Variants in ASTN1 observed in about 807,000 individuals in gnomAD.
The protein encoded by ASTN1 is astrotactin 1.
A neutral mutation model predicts 140.7 loss-of-function variants in ASTN1; 41 were observed. The observed-to-expected ratio is 0.29, with a 90% CI of 0.23 to 0.38. ASTN1 has a LOEUF of 0.38. Among genes scored for constraint, ASTN1 ranks in the 10% least tolerant of loss-of-function variants. The probability of loss-of-function intolerance (pLI) is 1.00; values close to 1 mark genes in which losing one functional copy is unlikely to be tolerated. For missense variants in ASTN1, 1,479 were observed against 1,678.8 expected (o/e 0.88, Z 2.08); for synonymous variants, 640 against 652.2 (o/e 0.98, Z 0.29).
intron 1 of ASTN1, among the ~76,000 whole-genome samples, chr1:177,145,948 A>G (rs1682702874): frequency 6.6e-6 from 1 of 152,216 alleles, no homozygotes; most frequent in Admixed American, 6.5e-5. Context: ...AATTATTGAG[A>G]ATCACAAAGA....
At chr1:177,107,997 C>T (rs1052610364) in intron 1 of ASTN1, among the ~76,000 whole-genome samples, 6 of 152,112 alleles carry the variant, frequency 3.9e-5, no homozygotes, top group African/African-American at 1.4e-4. Flanking sequence ...CTCCACAATG[C>T]TATGAAAAAT....
chr1:176,881,381 G>A (rs1239813583), intron 20 of ASTN1, among the ~76,000 whole-genome samples: 1 of 152,222 alleles, frequency 6.6e-6, no homozygotes, highest in East Asian at 1.9e-4. Flanking sequence ...GAGGGTCGCA[G>A]TGTGGGTAAT....
At chr1:177,015,012 T>C in intron 7 of ASTN1, 137 bp from the exon 8 acceptor site, 2 of 719,854 alleles carry the variant, frequency 2.8e-6, no homozygotes, top group Non-Finnish European at 4.8e-6. Flanking sequence ...GTAAGTTCCA[T>C]TATGTCATAT....
intron 21 of ASTN1, among the ~76,000 whole-genome samples, chr1:176,874,361 G>A (rs529146921): frequency 2.2e-4 from 34 of 152,226 alleles, no homozygotes; most frequent in Middle Eastern, 3.4e-3. Flanking sequence ...GGAGAGTTTC[G>A]GTATGTAACT....
intron 1 of ASTN1, among the ~76,000 whole-genome samples, chr1:177,101,455 A>G (rs906941703): frequency 6.6e-6 from 1 of 152,228 alleles, no homozygotes; most frequent in Admixed American, 6.5e-5. Context: ...AACCATGCCC[A>G]CAAAAAGTTT....
At chr1:177,012,354 T>A (rs1435347371) in intron 8 of ASTN1, among the ~76,000 whole-genome samples, 1 of 152,226 alleles carries the variant, frequency 6.6e-6, no homozygotes, top group Non-Finnish European at 1.5e-5. Context: ...TGGCGCTTTT[T>A]TAATACTGAG....
intron 8 of ASTN1, among the ~76,000 whole-genome samples, chr1:176,966,316 T>C (rs1310327512): frequency 6.6e-6 from 1 of 152,218 alleles, no homozygotes; most frequent in Non-Finnish European, 1.5e-5. Context: ...TTTTGATAAA[T>C]GTATGGCAGT....
At chr1:176,937,357 A>T (rs1671493854) in intron 14 of ASTN1, among the ~76,000 whole-genome samples, 1 of 152,246 alleles carries the variant, frequency 6.6e-6, no homozygotes, top group South Asian at 2.1e-4. Context: ...TCTCTGTGCC[A>T]GACATTGTGA....
rs200305384 is a variant in ASTN1 at position 177,061,182 on chromosome 1, G to A, written c.367C>T (p.His123Tyr). 139 of 1,611,002 alleles carry A rather than the reference G, an allele frequency of 8.6e-5. 1 individual carries two copies. Among genetic ancestry groups the A allele is most frequent in the Admixed American group, 1.7e-5 (1 of 59,568 alleles). The change falls in exon 2 of 23, where the codon CAT (histidine) becomes TAT (tyrosine). Residue 123 changes from histidine (H) to tyrosine (Y), a missense_variant. This residue lies in a region of ASTN1 where 729 missense variants were observed against 860.4 expected (regional missense o/e 0.85). Coordinates refer to ENST00000361833, the MANE Select transcript of ASTN1 (RefSeq NM_004319.3). ...LENGTLLFHI[H>Y]HQDGAPSLPG... ...AGGCTTGGGGCACCATCTTGGTGATGAATGTGAAAAAGCAAAGTGCCATTC... is the reference window on the plus strand; with the variant it reads ...AGGCTTGGGGCACCATCTTGGTGATAAATGTGAAAAAGCAAAGTGCCATTC...
chr1:177,081,346 A>C (rs1679171414), intron 1 of ASTN1, among the ~76,000 whole-genome samples: 1 of 152,284 alleles, frequency 6.6e-6, no homozygotes, highest in Non-Finnish European at 1.5e-5. Flanking sequence ...AATATGAATG[A>C]GCTTGTCCAT....
intron 8 of ASTN1, among the ~76,000 whole-genome samples, chr1:176,967,563 A>G (rs767611458): frequency 1.3e-5 from 2 of 152,172 alleles, no homozygotes; most frequent in Non-Finnish European, 2.9e-5. Context: ...AACTGATACA[A>G]TGTGTAATTA....
At chr1:177,091,903 AT>A (rs2102105183) in intron 1 of ASTN1, among the ~76,000 whole-genome samples, 2 of 152,184 alleles carry the variant, frequency 1.3e-5, no homozygotes, top group Non-Finnish European at 2.9e-5. Context: ...TTGTGTTGAT[AT>A]AACACACTTG....
chr1:177,031,317 G>A (rs1039665252), intron 3 of ASTN1, among the ~76,000 whole-genome samples: 5 of 152,164 alleles, frequency 3.3e-5, no homozygotes, highest in African/African-American at 1.2e-4. Flanking sequence ...GAATTTGTGT[G>A]CATTCAGGCA....
rs1285991377 is a variant in ASTN1, at chr1:176,876,568, T to C, written c.3432A>G (p.Pro1144=). Residue 1144 remains proline (P), a synonymous_variant, in exon 21 of 23, where the codon CCA becomes CCG. Coordinates refer to ENST00000361833, the MANE Select transcript of ASTN1 (RefSeq NM_004319.3). ...SRPSDVIVKT[P]CPVVDDVKAQ... ...CCTTGACATCATCCACCACGGGGCA[T>C]GGGGTCTTCACGATCACGTCGCTTG... is the stretch of plus-strand genomic sequence containing the variant. The C allele has an allele frequency of 6.8e-6, 11 of 1,614,030 alleles. No homozygotes were observed. The highest frequency in any genetic ancestry group is 2.2e-5 in the South Asian group (2 of 91,082).
rs531531128 is a variant in ASTN1 at position 177,111,680 on chromosome 1, A to G, written c.284-50415T>C. Among the ~76,000 whole-genome samples, 3 of 152,326 alleles carry G rather than the reference A, an allele frequency of 2.0e-5. No individual in the cohort carries two copies. The South Asian group carries it at 6.2e-4, about 32-fold the overall frequency. ...ATAAGATATAGAGTTGGAACACACA[A>G]AAGACTGGTACGAGAGTTTAAGTGC... On this transcript the variant is annotated intron_variant, in intron 1 of 22. Coordinates refer to ENST00000361833, the MANE Select transcript of ASTN1 (RefSeq NM_004319.3).
At chr1:176,904,556 G>A (rs985849312) in intron 16 of ASTN1, among the ~76,000 whole-genome samples, 1 of 152,104 alleles carries the variant, frequency 6.6e-6, no homozygotes, top group Non-Finnish European at 1.5e-5. Flanking sequence ...TCCATTAGCA[G>A]AAAGACAACG....
At chr1:176,859,785 A>G (rs10798486), downstream of ASTN1, among the ~76,000 whole-genome samples, 54,522 of 152,114 alleles carry the variant, frequency 0.36, 11,092 homozygotes, top group East Asian at 0.73. Context: ...ACTCCGTCTC[A>G]CAAACAAGCA....
At chr1:177,012,694 T>C (rs1268587653) in intron 8 of ASTN1, among the ~76,000 whole-genome samples, 1 of 152,168 alleles carries the variant, frequency 6.6e-6, no homozygotes, top group African/African-American at 2.4e-5. Flanking sequence ...CCAGAGGGAA[T>C]GATGAAGGCT....
chr1:177,084,427 G>C (rs564171956), intron 1 of ASTN1, among the ~76,000 whole-genome samples: 3 of 152,298 alleles, frequency 2.0e-5, no homozygotes, highest in Admixed American at 2.0e-4. Context: ...AATCTCCAGA[G>C]TGGATATATT....
Sources: gnomAD v4.1 joint callset for allele counts (sites outside exome capture counted in the v4.1 genomes callset) on GRCh38, gnomAD v4.1.1 for gene constraint, gnomAD v4.1.1 regional missense constraint, MANE v1.5 for transcripts, NCBI Gene and HGNC (gene_info 2026-07-23, HGNC 2026-07-21) for gene names.